Variants in DBX2 observed in about 807,000 individuals in gnomAD.
The protein encoded by DBX2 is developing brain homeobox 2, also known as homeobox protein DBX2.
DBX2 carries 16 observed loss-of-function variants against 17.7 expected under a neutral mutation model. The observed-to-expected ratio is 0.90, with a 90% CI of 0.61 to 1.37. The LOEUF is 1.37. Among genes scored for constraint, DBX2 ranks in the 40% most tolerant of loss-of-function variants. The probability of loss-of-function intolerance (pLI) is 0.00; values close to 1 mark genes in which losing one functional copy is unlikely to be tolerated. For missense variants in DBX2, 538 were observed against 433.8 expected, an observed-to-expected ratio of 1.24 and a Z score of -2.13; for synonymous variants, 255 against 183.8, an observed-to-expected ratio of 1.39 and a Z score of -3.13.
rs368330243 is a variant in DBX2 at position 45,023,844 on chromosome 12, G to A, written c.550C>T (p.Arg184Trp). ...ACAGCTCTTCTTAAAATGCCCCTCC[G>A]AGCTTTGGAATTAGAGTCCTGTGTC... is the stretch of plus-strand genomic sequence containing the variant. ...LLTQDSNSKA[R>W]RGILRRAVFS... Residue 184 changes from arginine to tryptophan, a missense_variant, in exon 3 of 4, where the codon CGG (arginine) becomes TGG (tryptophan). Physicochemically the swap from Arg to Trp is moderately radical, Grantham distance 101. Transcript: ENST00000332700. The A allele has an allele frequency of 3.4e-5, 54 of 1,603,366 alleles. No individual in the cohort carries two copies. The African/African-American group carries it at 4.2e-4, about 12-fold the overall frequency.
chr12:45,036,948 C>T (rs1332111027), intron 1 of DBX2, among the ~76,000 whole-genome samples: 1 of 152,118 alleles, frequency 6.6e-6, no homozygotes, highest in African/African-American at 2.4e-5. Context: ...ATAAAGTTTT[C>T]AGGAGAAATG....
intron 1 of DBX2, 73 bp from the exon 2 acceptor site, chr12:45,036,187 A>T: frequency 1.5e-6 from 2 of 1,310,600 alleles, no homozygotes; most frequent in Non-Finnish European, 2.1e-6. Flanking sequence ...GTTTCCTAAA[A>T]GTCATTGAGT....
intron 2 of DBX2, among the ~76,000 whole-genome samples, chr12:45,032,564 T>G (rs1946416027): frequency 6.6e-6 from 1 of 152,224 alleles, no homozygotes; most frequent in African/African-American, 2.4e-5. Flanking sequence ...CCTTCCTTTC[T>G]GCCTTCAACA....
Position 45,016,498 on chromosome 12 carries a change from G to C in DBX2, c.808C>G (p.Leu270Val), listed in dbSNP as rs1363491218. 1.2e-6 allele frequency: 2 copies of C among 1,613,796 alleles called. No homozygotes were observed. Among genetic ancestry groups the C allele is most frequent in the African/African-American group, 1.3e-5 (1 of 75,016 alleles). ...GAAGGACATGGAGAAGGGAAACCCA[G>C]AGCAGACCGTGAGAGGGGATCCTCT... ...LQEDPLSRSA[L>V]GFPSPCPSIW... The change falls in exon 4 of 4, where the codon CTG becomes GTG. Residue 270 changes from leucine (L) to valine (V), a missense_variant. Physicochemically the swap from Leu to Val is conservative, Grantham distance 32 (BLOSUM62 1). Transcript: ENST00000332700.
intron 1 of DBX2, among the ~76,000 whole-genome samples, chr12:45,042,940 A>C (rs1045124334): frequency 6.6e-6 from 1 of 152,198 alleles, no homozygotes; most frequent in Non-Finnish European, 1.5e-5. Flanking sequence ...CTTACCCTTC[A>C]GGGAGTCTCA....
chr12:45,047,204 T>C (rs1237683462), intron 1 of DBX2, among the ~76,000 whole-genome samples: 1 of 152,154 alleles, frequency 6.6e-6, no homozygotes, highest in African/African-American at 2.4e-5. Context: ...ATGAATATTT[T>C]AATCAGGCAT....
intron 3 of DBX2, among the ~76,000 whole-genome samples, chr12:45,017,952 C>G (rs964445666): frequency 6.6e-6 from 1 of 152,154 alleles, no homozygotes; most frequent in Non-Finnish European, 1.5e-5. Context: ...AAAATTCTAT[C>G]TAAGGCTCTC....
At chr12:45,028,077 G>A (rs953628547) in intron 2 of DBX2, among the ~76,000 whole-genome samples, 2 of 152,204 alleles carry the variant, frequency 1.3e-5, no homozygotes, top group Non-Finnish European at 2.9e-5. Flanking sequence ...GGAAAGGCAG[G>A]TAGAGTCGAG....
At chr12:45,034,306 C>T (rs1000423175) in intron 2 of DBX2, among the ~76,000 whole-genome samples, 8 of 152,118 alleles carry the variant, frequency 5.3e-5, no homozygotes, top group African/African-American at 1.9e-4. Context: ...AAATCTAACA[C>T]TGAAGACTTA....
chr12:45,025,191 C>A (rs1360246786), intron 2 of DBX2, among the ~76,000 whole-genome samples: 1 of 152,080 alleles, frequency 6.6e-6, no homozygotes, highest in Non-Finnish European at 1.5e-5. Context: ...CCCAGGTGGG[C>A]CCAAAGTAAT....
chr12:45,027,345 C>T (rs536192348), intron 2 of DBX2, among the ~76,000 whole-genome samples: 6 of 152,330 alleles, frequency 3.9e-5, no homozygotes, highest in South Asian at 2.1e-4. Context: ...TCCAAAGACA[C>T]GCAAAGGACT....
chr12:45,050,384 C>T, intron 1 of DBX2, 141 bp downstream of exon 1: 5 of 1,193,714 alleles, frequency 4.2e-6, no homozygotes, highest in Non-Finnish European at 5.7e-6. Context: ...GTGGCATCTC[C>T]ACTAAAGCTC....
At chr12:45,019,528 A>G (rs1946340618) in intron 3 of DBX2, among the ~76,000 whole-genome samples, 1 of 152,096 alleles carries the variant, frequency 6.6e-6, no homozygotes, top group Non-Finnish European at 1.5e-5. Context: ...ATCTAATTTG[A>G]TACAATATTG....
intron 1 of DBX2, among the ~76,000 whole-genome samples, chr12:45,039,216 A>C (rs911241781): frequency 2.3e-4 from 33 of 145,816 alleles, no homozygotes; most frequent in Admixed American, 1.8e-3. Context: ...TGAGCACATG[A>C]TTGCAGGAGC....
At position 45,051,028 on chromosome 12, in the gene DBX2, C is replaced by T; in HGVS notation, c.-101G>A. 7.7e-7 allele frequency: 1 copy of T among 1,290,680 alleles called. No homozygotes were observed. Among genetic ancestry groups the T allele is most frequent in the Non-Finnish European group, 9.8e-7 (1 of 1,019,696 alleles). 80.0% of individuals were successfully genotyped at this position (1,290,680 alleles called of 1,614,324 possible). ...AGCCGCAGCTTCTCGCCGCCGCCTC[C>T]CGCAGGGCTGGAGCGCGCGGAGCCA... On this transcript the variant is annotated 5_prime_UTR_variant, in exon 1 of 4. Transcript: ENST00000332700.
chr12:45,042,934 C>T (rs1211735191), intron 1 of DBX2, among the ~76,000 whole-genome samples: 4 of 152,176 alleles, frequency 2.6e-5, no homozygotes, highest in African/African-American at 7.2e-5. Context: ...TGCTGCCTTA[C>T]CCTTCAGGGA....
At chr12:45,022,298 G>GTTTTTTTTTTTTTTTTTTTTTT (rs745546411) in intron 3 of DBX2, among the ~76,000 whole-genome samples, 1 of 82,520 alleles carries the variant, frequency 1.2e-5, no homozygotes, top group Non-Finnish European at 2.1e-5. Flanking sequence ...AATAATAACT[G>GTTTTTTTTTTTTTTTTTTTTTT]TTTTTTTTTT....
At chr12:45,026,826 A>G (rs1946383762) in intron 2 of DBX2, among the ~76,000 whole-genome samples, 1 of 152,174 alleles carries the variant, frequency 6.6e-6, no homozygotes, top group Admixed American at 6.5e-5. Flanking sequence ...ATCAAGCCCA[A>G]TTCTCTATGA....
intron 1 of DBX2, among the ~76,000 whole-genome samples, chr12:45,045,340 T>C (rs992061647): frequency 1.3e-5 from 2 of 152,240 alleles, no homozygotes; most frequent in African/African-American, 2.4e-5. Context: ...CAAAAGATCT[T>C]TGTATTTAAT....
Sources: gnomAD v4.1 joint callset for allele counts (sites outside exome capture counted in the v4.1 genomes callset) on GRCh38, gnomAD v4.1.1 for gene constraint, MANE v1.5 for transcripts, NCBI Gene and HGNC (gene_info 2026-07-23, HGNC 2026-07-21) for gene names.